The following ARHGAP29 variants were observed in gnomAD, a reference collection of about 807,000 sequenced individuals.
The protein encoded by ARHGAP29 is rho GTPase-activating protein 29.
In ARHGAP29, 43 loss-of-function variants were observed where a neutral mutation model predicts 122.6. That is an observed-to-expected ratio of 0.35 (90% confidence interval 0.27 to 0.45). The LOEUF (loss-of-function observed/expected upper bound fraction) is 0.45, where lower values mean the gene tolerates loss of function less well. Ranked by LOEUF, ARHGAP29 falls within the 20% of genes least tolerant of loss-of-function variation. The probability of loss-of-function intolerance (pLI) is 1.00; values close to 1 mark genes in which losing one functional copy is unlikely to be tolerated. For missense variants in ARHGAP29, 1,303 were observed against 1,477.2 expected (o/e 0.88, Z 1.93); for synonymous variants, 506 against 497.1 (o/e 1.02, Z -0.24).
chr1:94,211,561 A>G (rs1651622288), intron 3 of ARHGAP29, among the ~76,000 whole-genome samples: 1 of 152,070 alleles, frequency 6.6e-6, no homozygotes, highest in South Asian at 2.1e-4. Flanking sequence ...TTCTTTTCAA[A>G]TGCACACTGA....
At position 94,172,693 on chromosome 1, in the gene ARHGAP29, C is replaced by G; in HGVS notation, c.*1176G>C. ...TAGAAATATAATTCACACATAAAAA[C>G]AGTCTACTTATTTTTTGTCCCTTTT... On this transcript the variant is annotated 3_prime_UTR_variant, in exon 23 of 23. Transcript: ENST00000260526. The G allele has an allele frequency of 6.6e-6, 1 of 151,464 alleles. No homozygotes were observed. The highest frequency in any genetic ancestry group is 1.5e-5 in the Non-Finnish European group (1 of 67,692). 9.4% of individuals were successfully genotyped at this position (151,464 alleles called of 1,614,324 possible). A position where few individuals can be genotyped will look rare whatever the true frequency, so the allele number is the denominator to read the frequency against.
chr1:94,189,811 C>T (rs1343316384), intron 13 of ARHGAP29, 115 bp downstream of exon 13: 1 of 969,318 alleles, frequency 1.0e-6, no homozygotes, highest in East Asian at 2.6e-5. Flanking sequence ...ATTTAAAGAA[C>T]TCAGAAAATT....
intron 5 of ARHGAP29, among the ~76,000 whole-genome samples, chr1:94,208,141 T>C (rs1651336497): frequency 6.6e-6 from 1 of 152,034 alleles, no homozygotes; most frequent in Non-Finnish European, 1.5e-5. Flanking sequence ...CCTGGCTAAT[T>C]TTTTGTAGGA....
chr1:94,170,848 GGTAGA>G lies in ARHGAP29; in HGVS notation c.*3016_*3020del, dbSNP rs1482882973. ...ACATCTTTTGTTAGACTTATTCTTA[GGTAGA>G]GTATTTTGTATTTTTTAATGATATT... On this transcript the variant is annotated 3_prime_UTR_variant, in exon 23 of 23. Transcript: ENST00000260526. 6.6e-6 allele frequency among the ~76,000 whole-genome samples: 1 copy of G among 151,980 alleles called. No homozygotes were observed. The highest frequency in any genetic ancestry group is 1.5e-5 in the Non-Finnish European group (1 of 68,000).
chr1:94,254,025 C>G (rs1654224635), intron 1 of ARHGAP29, among the ~76,000 whole-genome samples: 1 of 152,146 alleles, frequency 6.6e-6, no homozygotes, highest in African/African-American at 2.4e-5. Context: ...CATTTAGATA[C>G]CTGGATTTAA....
upstream of ARHGAP29, among the ~76,000 whole-genome samples, chr1:94,278,548 G>A (rs1257827410): frequency 1.3e-5 from 2 of 152,090 alleles, no homozygotes; most frequent in East Asian, 1.9e-4. Flanking sequence ...ATTAGTAGCC[G>A]GCAAATCAAA....
Position 94,207,822 on chromosome 1 carries a change from C to G in ARHGAP29, c.510+1010G>C, listed in dbSNP as rs138997309. Among the ~76,000 whole-genome samples the G allele has an allele frequency of 2.7e-3, 406 of 151,958 alleles. 4 individuals carry two copies. The highest frequency in any genetic ancestry group is 8.8e-3 in the African/African-American group (364 of 41,434). On this transcript the variant is annotated intron_variant, in intron 5 of 22. Transcript: ENST00000260526. ...ATAATATAAGTCCCTGGCACGTTTC[C>G]AAATATTTGATTTTTTTTTTTGTTT...
the ARHGAP29 span, among the ~76,000 whole-genome samples, chr1:94,312,054 C>A: frequency 2.0e-5 from 3 of 152,206 alleles, no homozygotes; most frequent in Admixed American, 2.0e-4. Context: ...CAAACAACAC[C>A]TTTCTCCTAC....
At chr1:94,268,117 A>G (rs1485555848) in intron 1 of ARHGAP29, among the ~76,000 whole-genome samples, 1 of 152,174 alleles carries the variant, frequency 6.6e-6, no homozygotes, top group East Asian at 1.9e-4. Context: ...TTTTAAAATT[A>G]GTGTGTCTGT....
At chr1:94,283,692 T>A in the ARHGAP29 span, among the ~76,000 whole-genome samples, 5 of 152,228 alleles carry the variant, frequency 3.3e-5, no homozygotes, top group Non-Finnish European at 5.9e-5. Context: ...TAACTCTGTA[T>A]GTTAAGTCAT....
the ARHGAP29 span, among the ~76,000 whole-genome samples, chr1:94,304,722 G>T: frequency 1.3e-5 from 2 of 152,198 alleles, no homozygotes; most frequent in Non-Finnish European, 2.9e-5. Context: ...TCTTAAGGAT[G>T]CTGATGCAGG....
At position 94,220,402 on chromosome 1, in the gene ARHGAP29, GA is replaced by G. The variant is rs149426255; in HGVS notation, c.206-11del. ...ACTTCTTTAAAACAGTCTTTAAAAA[GA>G]AAAAAAAATAATTTATTTCCAGAGC... On this transcript the variant is annotated splice_polypyrimidine_tract_variant and intron_variant, in intron 2 of 22. Transcript: ENST00000260526. The G allele has an allele frequency of 5.3e-5, 81 of 1,535,656 alleles. No homozygotes were observed. Among genetic ancestry groups the G allele is most frequent in the South Asian group, 1.1e-4 (9 of 80,854 alleles).
chr1:94,256,494 T>A (rs1654350480), intron 1 of ARHGAP29, among the ~76,000 whole-genome samples: 2 of 146,882 alleles, frequency 1.4e-5, no homozygotes, highest in Admixed American at 1.4e-4. Flanking sequence ...AATACAGAGT[T>A]CCAATTTAAC....
rs140206150 is a variant in ARHGAP29 at position 94,231,479 on chromosome 1, T to C, written c.133A>G (p.Ile45Val). 6.2e-7 allele frequency: 1 copy of C among 1,613,808 alleles called. No individual in the cohort carries two copies. Among genetic ancestry groups the C allele is most frequent in the African/African-American group, 1.3e-5 (1 of 75,040 alleles). ...SSNSIFDPDY[I>V]KELVNDIRKF... ...CTGATATCATTCACCAACTCCTTGA[T>C]GTAATCCGGATCAAAAATAGAGTTG... The change falls in exon 2 of 23, where the codon ATC (isoleucine) becomes GTC (valine). Residue 45 changes from isoleucine to valine, a missense_variant. This residue lies in a region of ARHGAP29 where 592 missense variants were observed against 648.2 expected (regional missense o/e 0.91). Coordinates refer to ENST00000260526, the MANE Select transcript of ARHGAP29 (RefSeq NM_004815.4).
intron 1 of ARHGAP29, among the ~76,000 whole-genome samples, chr1:94,259,300 T>A (rs1654472729): frequency 6.6e-6 from 1 of 152,182 alleles, no homozygotes; most frequent in African/African-American, 2.4e-5. Context: ...GAAATACAAG[T>A]AATGAATATA....
At chr1:94,305,468 G>T in the ARHGAP29 span, among the ~76,000 whole-genome samples, 8 of 152,224 alleles carry the variant, frequency 5.3e-5, no homozygotes, top group Non-Finnish European at 1.2e-4. Flanking sequence ...GGAAACACAG[G>T]TAAGGACCAG....
At chr1:94,203,395 G>C (rs1331070271) in intron 8 of ARHGAP29, among the ~76,000 whole-genome samples, 185 bp from the exon 9 acceptor site, 1 of 152,040 alleles carries the variant, frequency 6.6e-6, no homozygotes, top group African/African-American at 2.4e-5. Context: ...CATAAAACTG[G>C]TTAGCAAAAG....
At chr1:94,235,153 T>G (rs1222279799) in intron 1 of ARHGAP29, among the ~76,000 whole-genome samples, 1 of 152,198 alleles carries the variant, frequency 6.6e-6, no homozygotes, top group Non-Finnish European at 1.5e-5. Flanking sequence ...AATGTGCTGA[T>G]TTTGTTATAT....
rs1339409292 is a variant in ARHGAP29 at position 94,174,725 on chromosome 1, T to C, written c.2930A>G (p.Gln977Arg). 2.5e-6 allele frequency: 4 copies of C among 1,613,946 alleles called. No homozygotes were observed. The highest frequency in any genetic ancestry group is 3.4e-6 in the Non-Finnish European group (4 of 1,180,004). Reference sequence around the variant, plus strand: ...CTTTTGGGATGCTGATTCAGCCTCTTGGTCTAGAAGCAACTGTGCTTTGTC... The same window carrying C: ...CTTTTGGGATGCTGATTCAGCCTCTCGGTCTAGAAGCAACTGTGCTTTGTC... Reference protein sequence around the residue: ...LSDKAQLLLDQEAESASQKIE... With the variant: ...LSDKAQLLLDREAESASQKIE... The change falls in exon 23 of 23, where the codon CAA (glutamine) becomes CGA (arginine). Residue 977 changes from glutamine to arginine, a missense_variant. Transcript: ENST00000260526.
Sources: gnomAD v4.1 joint callset for allele counts (sites outside exome capture counted in the v4.1 genomes callset) on GRCh38, gnomAD v4.1.1 for gene constraint, gnomAD v4.1.1 regional missense constraint, MANE v1.5 for transcripts, NCBI Gene and HGNC (gene_info 2026-07-23, HGNC 2026-07-21) for gene names.